CLN8: variants seen among roughly 807,000 people sequenced by gnomAD.
CLN8 encodes protein CLN8.
CLN8 carries 14 observed loss-of-function variants against 15.7 expected under a neutral mutation model. The ratio of observed to expected loss-of-function variants is 0.89; its 90% CI spans 0.59 to 1.39. CLN8 has a LOEUF of 1.39. Ranked by LOEUF, CLN8 falls within the 40% of genes most tolerant of loss-of-function variation. CLN8 has a pLI of 0.00. For missense variants in CLN8, 415 were observed against 364.0 expected (o/e 1.14, Z -1.14); for synonymous variants, 188 against 151.0 (o/e 1.25, Z -1.80).
rs1262971042 is a variant in CLN8, at chr8:1,782,480, A to C, written c.*1913A>C. 2.0e-5 allele frequency: 3 copies of C among 152,300 alleles called. No homozygotes were observed. In the East Asian group the frequency reaches 5.8e-4, roughly 29 times the overall value. The allele number at this position is 152,300 out of a possible 1,614,324, so 9.4% of individuals were successfully genotyped here. A position where few individuals can be genotyped will look rare whatever the true frequency, so the allele number is the denominator to read the frequency against. ...TATTTTGATTGCTGGTGCTTTAACT[A>C]TATTGACCAAGGTGTATAGTAACCT... On this transcript the variant is annotated 3_prime_UTR_variant, in exon 3 of 3. Transcript: ENST00000331222.
At chr8:1,776,283 G>A (rs1219614594) in intron 2 of CLN8, among the ~76,000 whole-genome samples, 1 of 152,252 alleles carries the variant, frequency 6.6e-6, no homozygotes, top group Non-Finnish European at 1.5e-5. Flanking sequence ...TGTATGTGTG[G>A]TAATGCTCCA....
Position 1,780,964 on chromosome 8 carries a change from C to T in CLN8, c.*397C>T, listed in dbSNP as rs147763974. ...TCTTTCCAGCTGCACACTCATATGC[C>T]GTGTGTCTTATTCAGAAGTCACATT... On this transcript the variant is annotated 3_prime_UTR_variant, in exon 3 of 3. Transcript: ENST00000331222. 4.5e-4 allele frequency: 107 copies of T among 239,510 alleles called. No individual in the cohort carries two copies. The highest frequency in any genetic ancestry group is 2.2e-3 in the African/African-American group (96 of 44,568). The allele number at this position is 239,510 out of a possible 1,614,324, so 14.8% of individuals were successfully genotyped here.
intron 2 of CLN8, 34 bp from the exon 3 acceptor site, chr8:1,780,216 C>G (rs750980441): frequency 1.2e-6 from 2 of 1,614,236 alleles, no homozygotes; most frequent in Middle Eastern, 3.3e-4. Flanking sequence ...GGCAGTTTCG[C>G]ATTGACTTGT....
upstream of CLN8, among the ~76,000 whole-genome samples, chr8:1,754,323 T>A (rs1247287189): frequency 6.6e-6 from 1 of 152,242 alleles, no homozygotes; most frequent in African/African-American, 2.4e-5. Flanking sequence ...GGTAAATTCT[T>A]CTTAACCCCT....
chr8:1,779,008 C>G (rs923802102), intron 2 of CLN8, among the ~76,000 whole-genome samples: 1 of 152,176 alleles, frequency 6.6e-6, no homozygotes, highest in Non-Finnish European at 1.5e-5. Context: ...AGCACAAAGC[C>G]TGTTTTACAA....
At chr8:1,757,663 C>T (rs916989046) in intron 1 of CLN8, among the ~76,000 whole-genome samples, 1 of 152,126 alleles carries the variant, frequency 6.6e-6, no homozygotes, top group African/African-American at 2.4e-5. Context: ...AACTCCTGAC[C>T]TCAGGAGATC....
At chr8:1,768,016 C>T (rs868537128) in intron 1 of CLN8, among the ~76,000 whole-genome samples, 3 of 147,054 alleles carry the variant, frequency 2.0e-5, no homozygotes, top group African/African-American at 5.1e-5. Flanking sequence ...GATCTCGGCT[C>T]ACTGCAACCT....
chr8:1,777,614 C>T (rs984805893), intron 2 of CLN8, among the ~76,000 whole-genome samples: 63 of 151,974 alleles, frequency 4.1e-4, no homozygotes, highest in South Asian at 1.9e-3. Context: ...TCTTAATTTT[C>T]GAAACTTTTT....
rs188758860 is a variant in CLN8 at position 1,766,548 on chromosome 8, C to T, written c.-124+2663C>T. ...GGGACTACAGGCGCTCGCCATCACG[C>T]CTGGCTATTTTTTTTTTGTATTTTA... On this transcript the variant is annotated intron_variant, in intron 1 of 2. Coordinates refer to ENST00000331222, the MANE Select transcript of CLN8 (RefSeq NM_018941.4). Among the ~76,000 whole-genome samples the T allele has an allele frequency of 4.0e-3, 611 of 152,120 alleles. 7 individuals carry two copies. The highest frequency in any genetic ancestry group is 6.0e-3 in the Admixed American group (92 of 15,278).
At chr8:1,766,412 C>T (rs1468171196) in intron 1 of CLN8, among the ~76,000 whole-genome samples, 2 of 136,150 alleles carry the variant, frequency 1.5e-5, no homozygotes, top group Admixed American at 7.5e-5. Flanking sequence ...TTTTTTGAGA[C>T]GGAGCCTCAC....
chr8:1,769,015 C>T (rs559146313), intron 1 of CLN8, among the ~76,000 whole-genome samples: 1 of 152,336 alleles, frequency 6.6e-6, no homozygotes, highest in South Asian at 2.1e-4. Flanking sequence ...CCTGAACTCA[C>T]GCACCAGGGG....
chr8:1,756,680 C>CTTTTTT (rs751314711), intron 1 of CLN8, among the ~76,000 whole-genome samples: 1 of 125,740 alleles, frequency 8.0e-6, no homozygotes, highest in Non-Finnish European at 1.7e-5. Flanking sequence ...TTAAGCATTC[C>CTTTTTT]TTTTTTTTTT....
chr8:1,756,488 A>AGG lies in CLN8; in HGVS notation c.-124+406_-124+407insGG, dbSNP rs1046868725. Among the ~76,000 whole-genome samples, 205 of 151,684 alleles carry AGG rather than the reference A, an allele frequency of 1.4e-3. 1 individual carries two copies. The highest frequency in any genetic ancestry group is 4.8e-3 in the African/African-American group (199 of 41,292). On this transcript the variant is annotated intron_variant, in intron 1 of 1. Transcript: ENST00000524258. ...GACAGAGTGAGAATCCATCTCAAAA[A>AGG]AAAAAAAAGAAATTTCACTAAATTT...
In CLN8 at chr8:1,781,608, A is replaced by G. The variant is rs1801715285; in HGVS notation, c.*1041A>G. On this transcript the variant is annotated 3_prime_UTR_variant, in exon 3 of 3. Transcript: ENST00000331222. ...TTATTCATACTGTGTTGCTCATTTG[A>G]CAAAATAAGGTAAGGATTTCATAAT... 1 of 151,874 alleles carries G rather than the reference A, an allele frequency of 6.6e-6. No homozygotes were observed. Among genetic ancestry groups the G allele is most frequent in the Admixed American group, 6.6e-5 (1 of 15,236 alleles). The allele number at this position is 151,874 out of a possible 1,614,324, so 9.4% of individuals were successfully genotyped here. A position where few individuals can be genotyped will look rare whatever the true frequency, so the allele number is the denominator to read the frequency against.
chr8:1,778,493 C>G lies in CLN8; in HGVS notation c.544-1757C>G, dbSNP rs561285198. Among the ~76,000 whole-genome samples, 5 of 152,350 alleles carry G rather than the reference C, an allele frequency of 3.3e-5. No homozygotes were observed. In the East Asian group the frequency reaches 7.7e-4, roughly 24 times the overall value. ...GGATCCTGCTTCCTCTGCTCTTCTT[C>G]CTGAGTGTTCACTGTGCCTCAGCAA... On this transcript the variant is annotated intron_variant, in intron 2 of 2. Transcript: ENST00000331222.
chr8:1,755,195 G>A (rs886065212), upstream of CLN8, among the ~76,000 whole-genome samples: 1 of 152,186 alleles, frequency 6.6e-6, no homozygotes, highest in African/African-American at 2.4e-5. Context: ...AGAAGTTGGT[G>A]AAATGACACG....
intron 2 of CLN8, chr8:1,773,095 C>A (rs1201325815): frequency 2.5e-6 from 1 of 394,820 alleles, no homozygotes; most frequent in Non-Finnish European, 4.5e-6. Flanking sequence ...TGTGCTGGCA[C>A]CTGGGAACTC....
At chr8:1,755,496 C>G (rs573775891), upstream of CLN8, among the ~76,000 whole-genome samples, 1 of 152,214 alleles carries the variant, frequency 6.6e-6, no homozygotes. Context: ...AAGTGCCTCC[C>G]CCCGTTCTAC....
At chr8:1,778,068 G>C (rs1225245701) in intron 2 of CLN8, among the ~76,000 whole-genome samples, 1 of 152,204 alleles carries the variant, frequency 6.6e-6, no homozygotes, top group Non-Finnish European at 1.5e-5. Context: ...CTATGGGTCT[G>C]AGGGAGGTGT....
Sources: allele counts gnomAD v4.1 joint callset (sites outside exome capture counted in the v4.1 genomes callset), GRCh38; gene constraint gnomAD v4.1.1; transcripts MANE v1.5; gene names NCBI Gene and HGNC (gene_info 2026-07-23, HGNC 2026-07-21).